THSD7B: variants seen among roughly 807,000 people sequenced by gnomAD.
THSD7B encodes thrombospondin type 1 domain containing 7B.
In THSD7B, 138 loss-of-function variants were observed where a neutral mutation model predicts 213.6. The observed-to-expected ratio is 0.65, with a 90% confidence interval of 0.56 to 0.74. The LOEUF (loss-of-function observed/expected upper bound fraction) is 0.74, where lower values mean the gene tolerates loss of function less well. Among genes scored for constraint, THSD7B ranks in the 30% least tolerant of loss-of-function variants. THSD7B has a pLI of 0.00. For synonymous variants in THSD7B, 742 were observed against 687.0 expected, an observed-to-expected ratio of 1.08 and a Z score of -1.25; for missense variants, 1,931 against 1,991.5, an observed-to-expected ratio of 0.97 and a Z score of 0.58.
chr2:136,818,916 G>A (rs1272654275), intron 1 of THSD7B, among the ~76,000 whole-genome samples: 1 of 152,026 alleles, frequency 6.6e-6, no homozygotes, highest in African/African-American at 2.4e-5. Context: ...AGACTTTTAT[G>A]TTCTCAATAT....
intron 2 of THSD7B, among the ~76,000 whole-genome samples, chr2:137,046,730 CAAAAAA>C (rs59928985): frequency 1.2e-3 from 53 of 44,320 alleles, no homozygotes; most frequent in African/African-American, 4.4e-3. Flanking sequence ...AACTCCGTCT[CAAAAAA>C]AAAAAAAAAA....
intron 14 of THSD7B, among the ~76,000 whole-genome samples, chr2:137,432,277 G>C (rs1687203572): frequency 6.6e-6 from 1 of 152,178 alleles, no homozygotes; most frequent in South Asian, 2.1e-4. Context: ...TGTAATCCCA[G>C]CTACTCGGGA....
chr2:137,453,576 G>A (rs535874010), intron 15 of THSD7B, among the ~76,000 whole-genome samples: 13 of 151,998 alleles, frequency 8.6e-5, no homozygotes, highest in East Asian at 3.9e-4. Context: ...TGCTCTGCCC[G>A]CCTCGGCCTC....
chr2:136,776,429 G>T (rs1246237184), intron 1 of THSD7B, among the ~76,000 whole-genome samples: 1 of 144,824 alleles, frequency 6.9e-6, no homozygotes, highest in Non-Finnish European at 1.5e-5. Context: ...CAGGCAGAAG[G>T]TTTATCTCTG....
chr2:137,241,834 G>C (rs1475779739), intron 9 of THSD7B, among the ~76,000 whole-genome samples: 1 of 151,752 alleles, frequency 6.6e-6, no homozygotes, highest in Admixed American at 6.6e-5. Context: ...ACTTGAACTT[G>C]GGAGGTGGAG....
chr2:137,041,539 C>CAT (rs1317636006), intron 2 of THSD7B, among the ~76,000 whole-genome samples: 7 of 150,560 alleles, frequency 4.6e-5, no homozygotes, highest in Admixed American at 6.6e-5. Flanking sequence ...TTATATCACA[C>CAT]ATATATATAA....
intron 1 of THSD7B, among the ~76,000 whole-genome samples, chr2:136,854,571 A>G (rs765308459): frequency 1.3e-5 from 2 of 151,860 alleles, no homozygotes; most frequent in Non-Finnish European, 2.9e-5. Flanking sequence ...GCCTTAGCAC[A>G]GCACTAACTG....
At chr2:137,430,090 A>T (rs1687142383) in intron 14 of THSD7B, among the ~76,000 whole-genome samples, 1 of 151,920 alleles carries the variant, frequency 6.6e-6, no homozygotes, top group Non-Finnish European at 1.5e-5. Flanking sequence ...AAAAATTTTA[A>T]AAAGAAGTTA....
At chr2:137,499,562 CATCTATGGCAAAGAGT>C in intron 15 of THSD7B, among the ~76,000 whole-genome samples, 1 of 152,168 alleles carries the variant, frequency 6.6e-6, no homozygotes, top group African/African-American at 2.4e-5. Flanking sequence ...GATCTCTTGA[CATCTATGGCAAAGAGT>C]ACTAGCCTTT....
At chr2:137,128,755 C>T (rs1049836883) in intron 5 of THSD7B, among the ~76,000 whole-genome samples, 1 of 152,180 alleles carries the variant, frequency 6.6e-6, no homozygotes, top group East Asian at 1.9e-4. Context: ...ACCTTCTCTA[C>T]TAACTTACAC....
At chr2:137,582,847 G>A (rs1465356122) in intron 17 of THSD7B, among the ~76,000 whole-genome samples, 4 of 152,086 alleles carry the variant, frequency 2.6e-5, no homozygotes, top group Non-Finnish European at 4.4e-5. Flanking sequence ...TCCTTTGGGT[G>A]TATACCCAGT....
intron 14 of THSD7B, among the ~76,000 whole-genome samples, chr2:137,431,883 G>A (rs1418559945): frequency 6.8e-6 from 1 of 147,186 alleles, no homozygotes; most frequent in African/African-American, 2.4e-5. Context: ...GTTGACAACG[G>A]GAACAGATAA....
chr2:137,443,819 T>A (rs1027206786), intron 14 of THSD7B, among the ~76,000 whole-genome samples: 1 of 152,110 alleles, frequency 6.6e-6, no homozygotes, highest in East Asian at 1.9e-4. Flanking sequence ...GGATGTAATA[T>A]AATTTAATAA....
intron 12 of THSD7B, among the ~76,000 whole-genome samples, chr2:137,362,092 G>T (rs1470858580): frequency 6.6e-6 from 1 of 152,138 alleles, no homozygotes; most frequent in African/African-American, 2.4e-5. Context: ...CATTCTTAAA[G>T]AAAAGAATTT....
intron 15 of THSD7B, among the ~76,000 whole-genome samples, chr2:137,493,506 G>T (rs955875926): frequency 3.3e-5 from 5 of 152,116 alleles, no homozygotes; most frequent in African/African-American, 7.2e-5. Context: ...TTACACACTC[G>T]TACGGTGACA....
At chr2:137,100,418 T>A (rs368921315) in intron 4 of THSD7B, among the ~76,000 whole-genome samples, 112 of 152,056 alleles carry the variant, frequency 7.4e-4, no homozygotes, top group African/African-American at 2.6e-3. Context: ...CAAAAGTAAT[T>A]GCAGTTTTTG....
intron 15 of THSD7B, among the ~76,000 whole-genome samples, chr2:137,550,653 G>A (rs185130814): frequency 2.0e-5 from 3 of 152,126 alleles, no homozygotes; most frequent in Non-Finnish European, 2.9e-5. Context: ...AAGCACAGGA[G>A]TGAGGATGAA....
At chr2:137,402,899 C>T (rs1686404097) in intron 12 of THSD7B, among the ~76,000 whole-genome samples, 1 of 151,146 alleles carries the variant, frequency 6.6e-6, no homozygotes, top group African/African-American at 2.4e-5. Flanking sequence ...TTATTCAGTG[C>T]ATTGTCATTT....
intron 2 of THSD7B, among the ~76,000 whole-genome samples, chr2:136,923,687 G>A (rs1684474361): frequency 6.6e-6 from 1 of 152,124 alleles, no homozygotes; most frequent in South Asian, 2.1e-4. Context: ...GTTTTGGCTT[G>A]TGTGACTCTT....
Sources: allele counts gnomAD v4.1 joint callset (sites outside exome capture counted in the v4.1 genomes callset), GRCh38; gene constraint gnomAD v4.1.1; transcripts MANE v1.5; gene names NCBI Gene and HGNC (gene_info 2026-07-23, HGNC 2026-07-21).